Variants in LRRC4C observed in about 807,000 individuals in gnomAD.
LRRC4C encodes leucine rich repeat containing 4C, also known as leucine-rich repeat-containing protein 4C.
A neutral mutation model predicts 33.6 loss-of-function variants in LRRC4C; 5 were observed. The observed-to-expected ratio is 0.15, with a 90% CI of 0.08 to 0.31. The LOEUF (loss-of-function observed/expected upper bound fraction) is 0.31. Ranked by LOEUF, LRRC4C falls within the 10% of genes least tolerant of loss-of-function variation. The pLI, the probability that LRRC4C is intolerant of heterozygous loss-of-function variation, is 1.00. For missense variants in LRRC4C, 560 were observed against 796.7 expected (o/e 0.70, Z 3.58); for synonymous variants, 329 against 302.0 (o/e 1.09, Z -0.93).
intron 1 of LRRC4C, among the ~76,000 whole-genome samples, chr11:41,196,716 A>G (rs920245316): frequency 2.6e-5 from 4 of 151,996 alleles, no homozygotes; most frequent in African/African-American, 9.7e-5. Flanking sequence ...TGCATGAATG[A>G]ATGGATGGGT....
intron 1 of LRRC4C, among the ~76,000 whole-genome samples, chr11:40,947,408 T>G (rs1271222538): frequency 1.3e-5 from 2 of 152,174 alleles, no homozygotes; most frequent in African/African-American, 4.8e-5. Context: ...TTAAGCTTTG[T>G]TGGTAACAGA....
intron 1 of LRRC4C, among the ~76,000 whole-genome samples, chr11:41,361,361 G>A (rs1952349763): frequency 6.6e-6 from 1 of 152,036 alleles, no homozygotes; most frequent in Non-Finnish European, 1.5e-5. Flanking sequence ...TATATTTTCG[G>A]TACTCTCTTT....
rs978200939 is a variant in LRRC4C, at chr11:41,102,446, A to C, written c.-495-168723T>G. 2.0e-5 allele frequency among the ~76,000 whole-genome samples: 3 copies of C among 152,094 alleles called. 1 individual carries two copies. The East Asian group carries it at 5.8e-4, about 29-fold the overall frequency. ...TTTTCCAAAATTATTAAGAAGTAAC[A>C]AATTATTGATGTCATCCATGAATTC... On this transcript the variant is annotated intron_variant, in intron 1 of 6. Transcript: ENST00000528697.
At chr11:40,770,471 C>T (rs542238357) in intron 2 of LRRC4C, among the ~76,000 whole-genome samples, 102 of 152,234 alleles carry the variant, frequency 6.7e-4, no homozygotes, top group African/African-American at 2.4e-3. Flanking sequence ...CAGAGCCAGA[C>T]CATATCATTC....
chr11:40,554,587 C>A (rs983118723), intron 3 of LRRC4C, among the ~76,000 whole-genome samples: 10 of 152,054 alleles, frequency 6.6e-5, no homozygotes, highest in Non-Finnish European at 1.5e-4. Flanking sequence ...TTCTTCCAAT[C>A]CATGAGCATG....
chr11:40,878,904 G>A (rs1955040711), intron 2 of LRRC4C, among the ~76,000 whole-genome samples: 1 of 152,114 alleles, frequency 6.6e-6, no homozygotes, highest in Admixed American at 6.6e-5. Context: ...TTCAATCTTG[G>A]AAGGAAGGAA....
At chr11:40,765,113 C>G (rs1949389129) in intron 2 of LRRC4C, among the ~76,000 whole-genome samples, 1 of 152,154 alleles carries the variant, frequency 6.6e-6, no homozygotes, top group African/African-American at 2.4e-5. Flanking sequence ...TGACCAGCTG[C>G]AAAGTGATAT....
At chr11:41,422,506 A>G (rs929811887) in intron 1 of LRRC4C, among the ~76,000 whole-genome samples, 1 of 152,082 alleles carries the variant, frequency 6.6e-6, no homozygotes, top group Non-Finnish European at 1.5e-5. Flanking sequence ...GAGAGCACCC[A>G]CTGGATTAAA....
intron 1 of LRRC4C, among the ~76,000 whole-genome samples, chr11:41,068,788 A>C (rs189395426): frequency 5.4e-4 from 82 of 152,230 alleles, no homozygotes; most frequent in African/African-American, 1.8e-3. Flanking sequence ...CAAAAAACAA[A>C]CAAAAAAAAT....
intron 1 of LRRC4C, among the ~76,000 whole-genome samples, chr11:41,299,823 TGATAACTATTCATATA>T (rs888744643): frequency 6.6e-6 from 1 of 152,154 alleles, no homozygotes; most frequent in Non-Finnish European, 1.5e-5. Context: ...TATGAAGACT[TGATAACTATTCATATA>T]TTTGAGAGGC....
intron 2 of LRRC4C, among the ~76,000 whole-genome samples, chr11:40,916,870 A>G (rs928742030): frequency 2.0e-5 from 3 of 152,058 alleles, no homozygotes; most frequent in African/African-American, 4.8e-5. Context: ...AAAGAACATG[A>G]AATATGTATA....
chr11:40,988,880 C>T (rs1449980744), intron 1 of LRRC4C, among the ~76,000 whole-genome samples: 1 of 151,816 alleles, frequency 6.6e-6, no homozygotes, highest in Admixed American at 6.6e-5. Flanking sequence ...CCACGCCCGG[C>T]TAATTCTGTT....
chr11:40,893,104 T>A (rs1008714098), intron 2 of LRRC4C, among the ~76,000 whole-genome samples: 3 of 152,062 alleles, frequency 2.0e-5, no homozygotes, highest in African/African-American at 4.8e-5. Flanking sequence ...GACATTATGT[T>A]AAATGAAATA....
chr11:40,413,429 C>T (rs928010523), intron 3 of LRRC4C, among the ~76,000 whole-genome samples: 1 of 152,120 alleles, frequency 6.6e-6, no homozygotes, highest in African/African-American at 2.4e-5. Context: ...CATTTTCCCA[C>T]ATCTCAACAT....
At chr11:40,575,388 C>T (rs570873850) in intron 3 of LRRC4C, among the ~76,000 whole-genome samples, 1 of 145,044 alleles carries the variant, frequency 6.9e-6, no homozygotes, top group Non-Finnish European at 1.5e-5. Context: ...ATTTTAATTT[C>T]ATGAAAAAAA....
chr11:41,439,819 T>C (rs1365724949), intron 1 of LRRC4C, among the ~76,000 whole-genome samples: 1 of 152,200 alleles, frequency 6.6e-6, no homozygotes, highest in African/African-American at 2.4e-5. Flanking sequence ...AGGGTTTTGA[T>C]GGCTTTGATG....
intron 1 of LRRC4C, among the ~76,000 whole-genome samples, chr11:41,348,646 A>G (rs941850154): frequency 6.6e-6 from 1 of 152,038 alleles, no homozygotes; most frequent in African/African-American, 2.4e-5. Context: ...ATTCTCCTAA[A>G]GAAGTCATTG....
At chr11:40,589,783 T>C (rs1167415881) in intron 3 of LRRC4C, among the ~76,000 whole-genome samples, 1 of 150,260 alleles carries the variant, frequency 6.7e-6, no homozygotes, top group Non-Finnish European at 1.5e-5. Context: ...AATTCTTTTC[T>C]TTAAGAATGT....
chr11:41,380,349 A>T (rs1010717224), intron 1 of LRRC4C, among the ~76,000 whole-genome samples: 2 of 152,128 alleles, frequency 1.3e-5, no homozygotes, highest in African/African-American at 4.8e-5. Flanking sequence ...GATTAATTAC[A>T]TGGAAAATTT....
Sources: gnomAD v4.1 joint callset for allele counts (sites outside exome capture counted in the v4.1 genomes callset) on GRCh38, gnomAD v4.1.1 for gene constraint, MANE v1.5 for transcripts, NCBI Gene and HGNC (gene_info 2026-07-23, HGNC 2026-07-21) for gene names.